Variants in PCDHGA9 observed in about 807,000 individuals in gnomAD.
PCDHGA9 encodes protocadherin gamma-A9.
A neutral mutation model predicts 62.5 loss-of-function variants in PCDHGA9; 37 were observed. The ratio of observed to expected loss-of-function variants is 0.59; its 90% CI spans 0.46 to 0.78. The LOEUF is 0.78. Among genes scored for constraint, PCDHGA9 ranks in the 30% least tolerant of loss-of-function variants. The probability of loss-of-function intolerance (pLI) is 0.00; values close to 1 mark genes in which losing one functional copy is unlikely to be tolerated. For missense variants in PCDHGA9, 1,138 were observed against 1,166.2 expected (o/e 0.98, Z 0.35); for synonymous variants, 459 against 484.6 (o/e 0.95, Z 0.69).
At chr5:141,442,837 A>G (rs2098346617) in intron 1 of PCDHGA9, among the ~76,000 whole-genome samples, 1 of 152,202 alleles carries the variant, frequency 6.6e-6, no homozygotes, top group Admixed American at 6.5e-5. Flanking sequence ...GGGAGGGACA[A>G]ATCTTGGCCA....
chr5:141,471,080 C>T (rs2099249652), intron 1 of PCDHGA9, among the ~76,000 whole-genome samples: 1 of 147,610 alleles, frequency 6.8e-6, no homozygotes, highest in African/African-American at 2.5e-5. Context: ...ACAGGGTCTC[C>T]CTCTGTTGTC....
chr5:141,496,981 T>A (rs928774783), intron 2 of PCDHGA9, among the ~76,000 whole-genome samples: 1 of 150,304 alleles, frequency 6.7e-6, no homozygotes, highest in African/African-American at 2.5e-5. Context: ...AGGTCAGGGG[T>A]TTGAGACCAG....
At chr5:141,479,241 G>T (rs2099490987) in intron 1 of PCDHGA9, 1 of 152,174 alleles carries the variant, frequency 6.6e-6, no homozygotes, top group Admixed American at 6.5e-5. Context: ...CAAACCCAAA[G>T]ATAACCATTT....
At chr5:141,462,474 C>T (rs2099040477) in intron 1 of PCDHGA9, among the ~76,000 whole-genome samples, 1 of 151,994 alleles carries the variant, frequency 6.6e-6, no homozygotes, top group South Asian at 2.1e-4. Flanking sequence ...TATTCTGCTT[C>T]TCGTGGTTGT....
At chr5:141,427,249 G>A (rs1417336994) in intron 1 of PCDHGA9, 1 of 456,742 alleles carries the variant, frequency 2.2e-6, no homozygotes, top group African/African-American at 2.0e-5. Context: ...GCTAAGGATG[G>A]TGGAGGCATG....
At chr5:141,424,832 A>G (rs2096843522) in intron 1 of PCDHGA9, among the ~76,000 whole-genome samples, 1 of 152,174 alleles carries the variant, frequency 6.6e-6, no homozygotes. Context: ...TGCCTGACAT[A>G]CATGTTATCT....
chr5:141,423,139 G>A (rs2096713828), intron 1 of PCDHGA9: 2 of 1,613,616 alleles, frequency 1.2e-6, no homozygotes, highest in Middle Eastern at 1.7e-4. Flanking sequence ...GGACAGAGAC[G>A]CGCTCAAGCA....
Position 141,491,627 on chromosome 5 carries a change from A to C in PCDHGA9, c.2425-3180A>C. On this transcript the variant is annotated intron_variant, in intron 1 of 3. Transcript: ENST00000573521. The surrounding 1 kb of genome is among the most constrained non-coding windows in gnomAD (Gnocchi z 6.9). ...ACTTTTCTAAGACCCCTCAGCGTTC[A>C]GCAGCCCACAGCTCTGGCGCTGGAG... 6.2e-7 allele frequency: 1 copy of C among 1,613,924 alleles called. No homozygotes were observed. The highest frequency in any genetic ancestry group is 8.5e-7 in the Non-Finnish European group (1 of 1,180,026).
At chr5:141,452,106 CTCT>C (rs748460925) in intron 1 of PCDHGA9, among the ~76,000 whole-genome samples, 12 of 152,096 alleles carry the variant, frequency 7.9e-5, no homozygotes, top group South Asian at 4.1e-4. Flanking sequence ...GCTTTCTTTT[CTCT>C]TCTTATTTAT....
chr5:141,415,080 C>T (rs1426953509), intron 1 of PCDHGA9: 1 of 1,613,526 alleles, frequency 6.2e-7, no homozygotes, highest in African/African-American at 1.3e-5. Context: ...CGGCGCGAGC[C>T]CTGCTGGACA....
chr5:141,459,506 A>G (rs1156362858), intron 1 of PCDHGA9, among the ~76,000 whole-genome samples: 1 of 152,236 alleles, frequency 6.6e-6, no homozygotes, highest in East Asian at 1.9e-4. Flanking sequence ...GATGTGAACA[A>G]TCATGTACAA....
intron 1 of PCDHGA9, among the ~76,000 whole-genome samples, chr5:141,458,513 G>GTT (rs537551567): frequency 7.5e-5 from 11 of 146,196 alleles, no homozygotes; most frequent in African/African-American, 2.2e-4. Flanking sequence ...TTGACACTTT[G>GTT]TTTTTTTTTT....
At chr5:141,510,353 C>T (rs74759939) in intron 3 of PCDHGA9, among the ~76,000 whole-genome samples, 2 of 146,504 alleles carry the variant, frequency 1.4e-5, no homozygotes, top group African/African-American at 5.0e-5. Context: ...CACTTACTAA[C>T]GGAACTACCG....
rs2099612736 is a variant in PCDHGA9 at position 141,485,393 on chromosome 5, C to T, written c.2425-9414C>T. The T allele has an allele frequency of 6.2e-7, 1 of 1,614,154 alleles. No homozygotes were observed. The highest frequency in any genetic ancestry group is 1.7e-5 in the Admixed American group (1 of 60,020). ...GGTCGCTGGAGAGGTGAACCAAAGA[C>T]ACTTCCGTGTGGATTTGGACAGCGG... On this transcript the variant is annotated intron_variant, in intron 1 of 3. Coordinates refer to ENST00000573521, the MANE Select transcript of PCDHGA9 (RefSeq NM_018921.3). The surrounding 1 kb of genome is among the most constrained non-coding windows in gnomAD (Gnocchi z 5.7).
rs183531575 is a variant in PCDHGA9 at position 141,469,308 on chromosome 5, G to A, written c.2425-25499G>A. Among the ~76,000 whole-genome samples the A allele has an allele frequency of 2.5e-3, 379 of 152,184 alleles. 1 individual carries two copies. The highest frequency in any genetic ancestry group is 5.8e-3 in the South Asian group (28 of 4,814). On this transcript the variant is annotated intron_variant, in intron 1 of 3. Transcript: ENST00000573521. ...TAAAACAAAATAGACTGGGCACGAT[G>A]GCTCACGCCTGTAATCCCACCACTT...
intron 2 of PCDHGA9, among the ~76,000 whole-genome samples, chr5:141,499,612 C>T (rs1489412444): frequency 6.6e-6 from 1 of 151,968 alleles, no homozygotes; most frequent in African/African-American, 2.4e-5. Context: ...TACCCTTATC[C>T]TGTCCTTGGA....
chr5:141,430,910 G>A lies in PCDHGA9; in HGVS notation c.2424+25534G>A. The A allele has an allele frequency of 6.2e-7, 1 of 1,608,040 alleles. No homozygotes were observed. The highest frequency in any genetic ancestry group is 8.5e-7 in the Non-Finnish European group (1 of 1,177,584). On this transcript the variant is annotated intron_variant, in intron 1 of 3. Coordinates refer to ENST00000573521, the MANE Select transcript of PCDHGA9 (RefSeq NM_018921.3). ...CTCTAGGGTGGGCGACATCTCCAGG[G>A]ACCTGGGGCTGGAGCCCCGGGAGCT...
At chr5:141,496,637 C>T (rs907246032) in intron 2 of PCDHGA9, among the ~76,000 whole-genome samples, 6 of 152,214 alleles carry the variant, frequency 3.9e-5, no homozygotes, top group Non-Finnish European at 7.3e-5. Context: ...GCTTGGGCTG[C>T]CCTTGCCCTT....
At chr5:141,483,801 C>CT (rs1486591615) in intron 1 of PCDHGA9, among the ~76,000 whole-genome samples, 8 of 152,168 alleles carry the variant, frequency 5.3e-5, no homozygotes, top group Non-Finnish European at 8.8e-5. Flanking sequence ...GTTGTTGCTG[C>CT]TTTTTTTGGC....
Sources: gnomAD v4.1 joint callset for allele counts (sites outside exome capture counted in the v4.1 genomes callset) on GRCh38, gnomAD v4.1.1 for gene constraint, Gnocchi (gnomAD v3.1) non-coding constraint, MANE v1.5 for transcripts, NCBI Gene and HGNC (gene_info 2026-07-23, HGNC 2026-07-21) for gene names.